Variants in CNTNAP5 observed in about 807,000 individuals in gnomAD.
CNTNAP5 encodes the protein contactin associated protein family member 5.
A neutral mutation model predicts 150.2 loss-of-function variants in CNTNAP5; 72 were observed. The observed-to-expected ratio is 0.48, with a 90% CI of 0.40 to 0.58. The LOEUF (loss-of-function observed/expected upper bound fraction) is 0.58. CNTNAP5 is among the 20% of genes least tolerant of loss of function. The pLI is 0.00. For synonymous variants in CNTNAP5, 672 were observed against 619.8 expected, an observed-to-expected ratio of 1.08 and a Z score of -1.25; for missense variants, 1,636 against 1,626.2, an observed-to-expected ratio of 1.01 and a Z score of -0.10.
intron 1 of CNTNAP5, among the ~76,000 whole-genome samples, chr2:124,162,016 A>G (rs1573801947): frequency 6.6e-6 from 1 of 152,226 alleles, no homozygotes; most frequent in Admixed American, 6.5e-5. Flanking sequence ...GATGCACACC[A>G]TATGTGTGGA....
chr2:124,821,697 T>G (rs1682495473), intron 19 of CNTNAP5, among the ~76,000 whole-genome samples: 1 of 152,168 alleles, frequency 6.6e-6, no homozygotes, highest in African/African-American at 2.4e-5. Context: ...GGAGAGGCTA[T>G]AGCAGCCCCA....
chr2:124,865,026 C>A (rs539919697), intron 19 of CNTNAP5, among the ~76,000 whole-genome samples: 1 of 152,012 alleles, frequency 6.6e-6, no homozygotes, highest in African/African-American at 2.4e-5. Context: ...GATCCAATTA[C>A]AAAATAGATG....
At position 124,145,842 on chromosome 2, in the gene CNTNAP5, A is replaced by AAAAC. The variant is rs1558774015; in HGVS notation, c.83-75860_83-75859insCAAA. Among the ~76,000 whole-genome samples, 557 of 146,390 alleles carry AAAAC rather than the reference A, an allele frequency of 3.8e-3. 3 individuals are homozygous for AAAAC. Among genetic ancestry groups the AAAAC allele is most frequent in the African/African-American group, 0.013 (515 of 39,688 alleles). On this transcript the variant is annotated intron_variant, in intron 1 of 23. Coordinates refer to ENST00000682447, the MANE Select transcript of CNTNAP5 (RefSeq NM_001367498.1). Reference sequence around the variant, plus strand: ...AAAAAAAAAAAAGAAGAAAAAAAAAAAAAATAAAATATATTTAATGGGATT... The same window carrying AAAAC: ...AAAAAAAAAAAAGAAGAAAAAAAAAAAAACAAAATAAAATATATTTAATGGGATT...
At chr2:124,732,259 T>TA (rs1680288035) in intron 13 of CNTNAP5, among the ~76,000 whole-genome samples, 1 of 152,150 alleles carries the variant, frequency 6.6e-6, no homozygotes, top group South Asian at 2.1e-4. Flanking sequence ...TTTTATTCCA[T>TA]ACTTCTTGTT....
At chr2:124,625,397 T>G (rs979830106) in intron 12 of CNTNAP5, among the ~76,000 whole-genome samples, 2 of 150,452 alleles carry the variant, frequency 1.3e-5, no homozygotes, top group Non-Finnish European at 2.9e-5. Context: ...TCTAGGCCTA[T>G]TCCCAGCAAT....
intron 10 of CNTNAP5, among the ~76,000 whole-genome samples, chr2:124,534,560 C>A (rs1695185494): frequency 6.6e-6 from 1 of 152,168 alleles, no homozygotes; most frequent in African/African-American, 2.4e-5. Flanking sequence ...TCTATCACCA[C>A]TGTATTTTCT....
intron 2 of CNTNAP5, among the ~76,000 whole-genome samples, chr2:124,240,489 C>T (rs1443173116): frequency 6.6e-6 from 1 of 152,110 alleles, no homozygotes. Context: ...AAGCCATGCA[C>T]TCACTGCAAT....
At chr2:124,068,400 C>T (rs1304815109) in intron 1 of CNTNAP5, among the ~76,000 whole-genome samples, 1 of 152,154 alleles carries the variant, frequency 6.6e-6, no homozygotes, top group Non-Finnish European at 1.5e-5. Context: ...ACAGAAGGAG[C>T]ATTTGGACCA....
chr2:124,833,394 G>A (rs1682760654), intron 19 of CNTNAP5, among the ~76,000 whole-genome samples: 1 of 152,096 alleles, frequency 6.6e-6, no homozygotes, highest in African/African-American at 2.4e-5. Flanking sequence ...GGGCCATGCT[G>A]GTACCAAGGC....
intron 7 of CNTNAP5, among the ~76,000 whole-genome samples, chr2:124,499,797 T>C (rs1162515962): frequency 6.6e-6 from 1 of 152,182 alleles, no homozygotes; most frequent in Non-Finnish European, 1.5e-5. Context: ...TTAATCAGTG[T>C]TCTCCAGAAA....
At chr2:124,880,603 G>C (rs186553087) in intron 21 of CNTNAP5, among the ~76,000 whole-genome samples, 4 of 151,946 alleles carry the variant, frequency 2.6e-5, no homozygotes, top group Non-Finnish European at 5.9e-5. Context: ...TCAGTAAATT[G>C]CTCCCTAACA....
intron 11 of CNTNAP5, among the ~76,000 whole-genome samples, chr2:124,590,879 A>T (rs936357786): frequency 1.3e-5 from 2 of 152,140 alleles, no homozygotes; most frequent in East Asian, 3.8e-4. Flanking sequence ...AAATAAAACT[A>T]TTTCGCTGTC....
chr2:124,752,430 G>A lies in CNTNAP5; in HGVS notation c.2234+5045G>A, dbSNP rs570141040. On this transcript the variant is annotated intron_variant, in intron 14 of 23. Transcript: ENST00000682447. ...ACCCAAGTAAATGAAGATAATGAGTGCATGTTGTAGGGCTGAGTGAAAGTG... is the reference window on the plus strand; with the variant it reads ...ACCCAAGTAAATGAAGATAATGAGTACATGTTGTAGGGCTGAGTGAAAGTG... Among the ~76,000 whole-genome samples the A allele has an allele frequency of 9.9e-4, 151 of 152,168 alleles. No homozygotes were observed. In the Middle Eastern group the frequency reaches 0.017, roughly 17 times the overall value.
chr2:124,568,213 C>T (rs1696076142), intron 11 of CNTNAP5, among the ~76,000 whole-genome samples: 1 of 152,112 alleles, frequency 6.6e-6, no homozygotes, highest in South Asian at 2.1e-4. Flanking sequence ...AAATACAGTT[C>T]TAGAAGACTG....
intron 5 of CNTNAP5, among the ~76,000 whole-genome samples, chr2:124,436,986 A>G (rs992598008): frequency 6.6e-6 from 1 of 152,190 alleles, no homozygotes; most frequent in Non-Finnish European, 1.5e-5. Context: ...AAACACTGCC[A>G]CAGATTAGTA....
intron 3 of CNTNAP5, among the ~76,000 whole-genome samples, chr2:124,416,827 A>G (rs1464436740): frequency 6.6e-6 from 1 of 152,038 alleles, no homozygotes; most frequent in African/African-American, 2.4e-5. Flanking sequence ...GAGTATGGAC[A>G]TTAGGAACAT....
chr2:124,027,447 T>TA (rs1490350282), intron 1 of CNTNAP5, among the ~76,000 whole-genome samples: 2 of 152,176 alleles, frequency 1.3e-5, no homozygotes, highest in Admixed American at 6.5e-5. Flanking sequence ...GAGATAAGGA[T>TA]AAAAAAGACA....
intron 13 of CNTNAP5, among the ~76,000 whole-genome samples, chr2:124,730,886 T>C (rs184220587): frequency 4.6e-5 from 7 of 152,244 alleles, no homozygotes; most frequent in Admixed American, 4.6e-4. Context: ...GATATGGGGC[T>C]GTGAAATAGG....
chr2:124,386,793 C>T (rs977488363), intron 3 of CNTNAP5, among the ~76,000 whole-genome samples: 1 of 151,674 alleles, frequency 6.6e-6, no homozygotes, highest in South Asian at 2.1e-4. Flanking sequence ...ATTGCCACTC[C>T]TCTGCAATGG....
Sources: gnomAD v4.1 joint callset for allele counts (sites outside exome capture counted in the v4.1 genomes callset) on GRCh38, gnomAD v4.1.1 for gene constraint, MANE v1.5 for transcripts, NCBI Gene and HGNC (gene_info 2026-07-23, HGNC 2026-07-21) for gene names.